Variants in TIMM23 observed in about 807,000 individuals in gnomAD.
TIMM23 encodes mitochondrial import inner membrane translocase subunit Tim23.
In TIMM23, 19 loss-of-function variants were observed where a neutral mutation model predicts 30.7. That is an observed-to-expected ratio of 0.62 (90% CI 0.43 to 0.91). TIMM23 has a LOEUF of 0.91. TIMM23 is among the 40% of genes least tolerant of loss of function. TIMM23 has a pLI of 0.00. For synonymous variants in TIMM23, 78 were observed against 98.5 expected (o/e 0.79, Z 1.23); for missense variants, 202 against 269.2 (o/e 0.75, Z 1.75).
At chr10:45,979,852 G>A (rs1590113526) in intron 2 of TIMM23, among the ~76,000 whole-genome samples, 1 of 151,850 alleles carries the variant, frequency 6.6e-6, no homozygotes, top group Admixed American at 6.6e-5. Context: ...TCCTTTGTCA[G>A]TTTACTCAAA....
chr10:45,996,031 G>GA (rs1554916644), intron 6 of TIMM23, among the ~76,000 whole-genome samples: 1 of 149,686 alleles, frequency 6.7e-6, no homozygotes, highest in Non-Finnish European at 1.5e-5. Flanking sequence ...TCGGAGGCAA[G>GA]AATATAGAAC....
intron 6 of TIMM23, among the ~76,000 whole-genome samples, chr10:45,996,546 C>G (rs1838339193): frequency 6.6e-6 from 1 of 151,904 alleles, no homozygotes; most frequent in Admixed American, 6.6e-5. Context: ...AGGTATAATT[C>G]AGTGAATGTT....
In TIMM23 at chr10:45,982,517, T is replaced by C. The variant is rs1837878066; in HGVS notation, c.166-6T>C. The C allele has an allele frequency of 4.3e-6, 7 of 1,613,794 alleles. No individual in the cohort carries two copies. Among genetic ancestry groups the C allele is most frequent in the Middle Eastern group, 1.7e-4 (1 of 6,056 alleles). ...CTCAGCTTGGTTTTCATTATTATCCTTTTAGGATACAGATGAGTTTATTTT... is the reference window on the plus strand; with the variant it reads ...CTCAGCTTGGTTTTCATTATTATCCCTTTAGGATACAGATGAGTTTATTTT... On this transcript the variant is annotated splice_polypyrimidine_tract_variant and splice_region_variant and intron_variant, in intron 2 of 6. Coordinates refer to ENST00000580018, the MANE Select transcript of TIMM23 (RefSeq NM_006327.4).
intron 6 of TIMM23, among the ~76,000 whole-genome samples, chr10:46,001,452 G>T (rs1305194702): frequency 6.6e-6 from 1 of 152,166 alleles, no homozygotes; most frequent in Non-Finnish European, 1.5e-5. Flanking sequence ...ACGTAAGCAG[G>T]TCAGCTATCA....
chr10:45,991,130 A>C (rs1554915656), intron 6 of TIMM23, among the ~76,000 whole-genome samples: 89,459 of 151,952 alleles, frequency 0.59, 26,789 homozygotes, highest in Admixed American at 0.67. Flanking sequence ...AGAAGTAATA[A>C]ATAACAGTTG....
At chr10:45,977,360 A>G (rs1554913281) in intron 2 of TIMM23, among the ~76,000 whole-genome samples, 3,914 of 152,140 alleles carry the variant, frequency 0.026, 70 homozygotes, top group East Asian at 0.051. Flanking sequence ...TGATAGTAAC[A>G]TAAGAATAAA....
chr10:45,979,945 TATC>T (rs1837795863), intron 2 of TIMM23, among the ~76,000 whole-genome samples: 1 of 152,190 alleles, frequency 6.6e-6, no homozygotes, highest in African/African-American at 2.4e-5. Context: ...TAAAATTCAA[TATC>T]ATTGTGGCCC....
chr10:45,999,164 C>A (rs1838440619), intron 6 of TIMM23, among the ~76,000 whole-genome samples: 1 of 151,402 alleles, frequency 6.6e-6, no homozygotes, highest in Non-Finnish European at 1.5e-5. Flanking sequence ...TTTTTGAGAC[C>A]AGGTCTGGCT....
At chr10:45,973,840 A>G (rs375184998) in intron 1 of TIMM23, among the ~76,000 whole-genome samples, 3 of 147,674 alleles carry the variant, frequency 2.0e-5, no homozygotes, top group Non-Finnish European at 4.5e-5. Flanking sequence ...TATTGTGGAG[A>G]TGGGGTCTCC....
chr10:46,002,330 C>T (rs1554917813), intron 6 of TIMM23: 1 of 158,682 alleles, frequency 6.3e-6, no homozygotes, highest in East Asian at 1.9e-4. Flanking sequence ...CGCATGCCAC[C>T]CCACTAAGCT....
intron 2 of TIMM23, among the ~76,000 whole-genome samples, chr10:45,979,508 G>A (rs1837779420): frequency 1.3e-5 from 2 of 149,388 alleles, no homozygotes; most frequent in South Asian, 2.1e-4. Context: ...ATCTGACTTG[G>A]TTGCCCAGGC....
At chr10:45,985,055 C>T (rs1837955757) in intron 4 of TIMM23, among the ~76,000 whole-genome samples, 1 of 151,956 alleles carries the variant, frequency 6.6e-6, no homozygotes, top group South Asian at 2.1e-4. Context: ...AGATACATTC[C>T]AGGCTGTCAT....
intron 6 of TIMM23, among the ~76,000 whole-genome samples, chr10:45,995,178 C>G (rs1838290511): frequency 1.3e-5 from 2 of 151,844 alleles, no homozygotes; most frequent in Non-Finnish European, 2.9e-5. Context: ...CAAGAGCTTT[C>G]TTTTCATAAT....
At chr10:45,989,618 G>A (rs1452140045) in intron 6 of TIMM23, among the ~76,000 whole-genome samples, 2 of 152,058 alleles carry the variant, frequency 1.3e-5, no homozygotes, top group Non-Finnish European at 2.9e-5. Context: ...CTAAGCAATA[G>A]AATATTCAGA....
intron 2 of TIMM23, among the ~76,000 whole-genome samples, chr10:45,978,212 G>T (rs1837736122): frequency 6.6e-6 from 1 of 151,960 alleles, no homozygotes; most frequent in African/African-American, 2.4e-5. Context: ...AATTAGCCGG[G>T]TGTGGTGGTG....
intron 5 of TIMM23, 74 bp downstream of exon 5, chr10:45,985,515 C>T (rs1376618065): frequency 9.1e-5 from 141 of 1,555,406 alleles, no homozygotes; most frequent in Middle Eastern, 3.3e-4. Flanking sequence ...TTTGATCAAC[C>T]CATATTCTGG....
intron 6 of TIMM23, chr10:46,002,483 A>G (rs1176047289): frequency 1.2e-5 from 12 of 984,410 alleles, no homozygotes; most frequent in African/African-American, 1.7e-5. Context: ...CTAATCTTCA[A>G]GGTTAATATT....
In TIMM23 at chr10:46,001,354, C is replaced by T. The variant is rs1838527758; in HGVS notation, c.515-1849C>T. 2.0e-5 allele frequency among the ~76,000 whole-genome samples: 3 copies of T among 152,196 alleles called. No homozygotes were observed. In the South Asian group the frequency reaches 6.2e-4, roughly 32 times the overall value. The stretch of plus-strand genomic sequence containing the variant: ...GGTTTCTTAAAAATGTTTTTGGTCC[C>T]CCTACATGACAGCTGTTTATAGATA... On this transcript the variant is annotated intron_variant, in intron 6 of 6. Coordinates refer to ENST00000580018, the MANE Select transcript of TIMM23 (RefSeq NM_006327.4).
rs369873487 is a variant in TIMM23 at position 45,993,532 on chromosome 10, C to T, written c.514+4685C>T. 4.7e-3 allele frequency among the ~76,000 whole-genome samples: 717 copies of T among 151,870 alleles called. 5 individuals carry two copies. The highest frequency in any genetic ancestry group is 0.019 in the East Asian group (98 of 5,170). ...TCGCGCCACTGAATTCCAGCCTGGG[C>T]GATAGAGCGAGTCTGTCTCAGAATG... On this transcript the variant is annotated intron_variant, in intron 6 of 6. Coordinates refer to ENST00000580018, the MANE Select transcript of TIMM23 (RefSeq NM_006327.4).
Sources: allele counts gnomAD v4.1 joint callset (sites outside exome capture counted in the v4.1 genomes callset), GRCh38; gene constraint gnomAD v4.1.1; transcripts MANE v1.5; gene names NCBI Gene and HGNC (gene_info 2026-07-23, HGNC 2026-07-21).